ERP44: variants seen among roughly 807,000 people sequenced by gnomAD.
The protein encoded by ERP44 is endoplasmic reticulum resident protein 44.
ERP44 carries 25 observed loss-of-function variants against 53.4 expected under a neutral mutation model. The ratio of observed to expected loss-of-function variants is 0.47; its 90% CI spans 0.34 to 0.65. The LOEUF (loss-of-function observed/expected upper bound fraction) is 0.65. ERP44 is among the 30% of genes least tolerant of loss of function. The pLI is 0.01. For synonymous variants in ERP44, 145 were observed against 161.2 expected (o/e 0.90, Z 0.76); for missense variants, 338 against 493.2 (o/e 0.69, Z 2.98).
At chr9:100,014,429 C>T (rs933469255) in intron 8 of ERP44, among the ~76,000 whole-genome samples, 10 of 152,032 alleles carry the variant, frequency 6.6e-5, no homozygotes, top group African/African-American at 2.2e-4. Context: ...GGATTACAGG[C>T]GCCTGCCACC....
chr9:100,046,865 C>T (rs1825977008), intron 4 of ERP44, among the ~76,000 whole-genome samples: 1 of 152,168 alleles, frequency 6.6e-6, no homozygotes, highest in African/African-American at 2.4e-5. Flanking sequence ...CCTGACCAGA[C>T]TTCAAAACTC....
At chr9:100,057,921 C>G in intron 2 of ERP44, 62 bp from the exon 3 acceptor site, 1 of 1,252,752 alleles carries the variant, frequency 8.0e-7, no homozygotes, top group Non-Finnish European at 1.2e-6. Context: ...ATTAAACATA[C>G]AGTTTCATTA....
At position 100,076,717 on chromosome 9, in the gene ERP44, TTGAG is replaced by T. The variant is rs1470799604; in HGVS notation, c.58-16549_58-16546del. Among the ~76,000 whole-genome samples the T allele has an allele frequency of 2.6e-5, 4 of 152,282 alleles. No homozygotes were observed. In the East Asian group the frequency reaches 5.8e-4, roughly 22 times the overall value. ...GGAAGAGGTATGTGGATGAACTTCT[TTGAG>T]TGGTCAAAAATTGTGAAGATATTTG... On this transcript the variant is annotated intron_variant, in intron 1 of 11. Coordinates refer to ENST00000262455, the MANE Select transcript of ERP44 (RefSeq NM_015051.3).
chr9:99,994,046 T>C (rs2118611688), intron 10 of ERP44, among the ~76,000 whole-genome samples: 1 of 152,324 alleles, frequency 6.6e-6, no homozygotes, highest in Non-Finnish European at 1.5e-5. Flanking sequence ...GCTTTTACAC[T>C]GTTGGTGGGA....
chr9:100,039,480 A>G (rs1017434197), intron 4 of ERP44, among the ~76,000 whole-genome samples: 3 of 152,178 alleles, frequency 2.0e-5, no homozygotes, highest in African/African-American at 7.2e-5. Flanking sequence ...TTTTATTGAA[A>G]CAAATAATAA....
chr9:100,083,955 C>T (rs1196281828), intron 1 of ERP44, among the ~76,000 whole-genome samples: 2 of 151,876 alleles, frequency 1.3e-5, no homozygotes, highest in African/African-American at 2.4e-5. Flanking sequence ...TTTTCCACCC[C>T]GTGAAAAAGC....
chr9:100,038,469 T>C (rs1825866991), intron 4 of ERP44, among the ~76,000 whole-genome samples: 1 of 151,988 alleles, frequency 6.6e-6, no homozygotes, highest in South Asian at 2.1e-4. Flanking sequence ...GGAAGCCACA[T>C]GGTAACCTCA....
intron 1 of ERP44, among the ~76,000 whole-genome samples, chr9:100,094,152 T>A (rs759254735): frequency 6.6e-6 from 1 of 152,124 alleles, no homozygotes; most frequent in Non-Finnish European, 1.5e-5. Flanking sequence ...CAGTGAAGCA[T>A]AAGCAGTTAA....
chr9:100,020,215 A>G (rs1477446944), intron 6 of ERP44, among the ~76,000 whole-genome samples: 1 of 152,218 alleles, frequency 6.6e-6, no homozygotes, highest in African/African-American at 2.4e-5. Flanking sequence ...CTATAAAAAA[A>G]GGTGGTGGAG....
intron 1 of ERP44, among the ~76,000 whole-genome samples, chr9:100,070,520 G>A (rs758901710): frequency 6.6e-6 from 1 of 152,142 alleles, no homozygotes; most frequent in Non-Finnish European, 1.5e-5. Context: ...TTTTTGCCTG[G>A]GTTTTCATGA....
At chr9:100,079,455 C>CAG (rs1451902629) in intron 1 of ERP44, among the ~76,000 whole-genome samples, 12 of 144,728 alleles carry the variant, frequency 8.3e-5, no homozygotes, top group Non-Finnish European at 1.1e-4. Context: ...CACACACACA[C>CAG]AGACACCCTA....
At chr9:100,030,651 G>A (rs1825773628) in intron 4 of ERP44, among the ~76,000 whole-genome samples, 1 of 152,172 alleles carries the variant, frequency 6.6e-6, no homozygotes. Flanking sequence ...GGATTAATCT[G>A]CCTTGTACTC....
intron 10 of ERP44, among the ~76,000 whole-genome samples, chr9:99,995,920 C>CTTTTTTTTTTTTTT (rs34632626): frequency 8.2e-6 from 1 of 121,436 alleles, no homozygotes; most frequent in Non-Finnish European, 1.7e-5. Context: ...TAGGGTAGTT[C>CTTTTTTTTTTTTTT]TTTTTTTTTT....
chr9:100,020,861 T>C (rs781323392), intron 5 of ERP44, 130 bp from the exon 6 acceptor site: 5 of 549,534 alleles, frequency 9.1e-6, no homozygotes, highest in East Asian at 3.0e-5. Flanking sequence ...TATAAATGCA[T>C]ATTTAGTTTT....
At chr9:100,058,679 C>A (rs552166599) in intron 2 of ERP44, among the ~76,000 whole-genome samples, 1 of 152,258 alleles carries the variant, frequency 6.6e-6, no homozygotes, top group East Asian at 1.9e-4. Context: ...TTCCCCCCTA[C>A]AAAAATAACA....
intron 1 of ERP44, among the ~76,000 whole-genome samples, chr9:100,063,370 T>C (rs1224707562): frequency 1.3e-5 from 2 of 152,162 alleles, no homozygotes; most frequent in Non-Finnish European, 2.9e-5. Flanking sequence ...TGTTAGCTTA[T>C]CATTAACATT....
At chr9:100,005,841 T>G (rs1167573706) in intron 10 of ERP44, among the ~76,000 whole-genome samples, 11 of 152,230 alleles carry the variant, frequency 7.2e-5, no homozygotes. Context: ...AATGTCTAAC[T>G]TGAATACCTG....
chr9:99,989,194 G>C (rs1319664388), intron 10 of ERP44, among the ~76,000 whole-genome samples: 1 of 152,208 alleles, frequency 6.6e-6, no homozygotes, highest in Non-Finnish European at 1.5e-5. Context: ...GGTTCTCCCA[G>C]CATGTTTGAG....
intron 10 of ERP44, among the ~76,000 whole-genome samples, chr9:100,002,132 T>TAA (rs59995242): frequency 0.2 from 29,079 of 147,700 alleles, 4,528 homozygotes; most frequent in African/African-American, 0.44. Context: ...TTTATTCACA[T>TAA]AAAAAAAAAA....
Sources: allele counts gnomAD v4.1 joint callset (sites outside exome capture counted in the v4.1 genomes callset), GRCh38; gene constraint gnomAD v4.1.1; transcripts MANE v1.5; gene names NCBI Gene and HGNC (gene_info 2026-07-23, HGNC 2026-07-21).